The following MCC variants were observed in gnomAD, a reference collection of about 807,000 sequenced individuals.
The protein encoded by MCC is colorectal mutant cancer protein.
In MCC, 90 loss-of-function variants were observed where a neutral mutation model predicts 116.2. The observed-to-expected ratio is 0.77, with a 90% CI of 0.65 to 0.92. The LOEUF (loss-of-function observed/expected upper bound fraction) is 0.92. Among genes scored for constraint, MCC ranks in the 40% least tolerant of loss-of-function variants. The probability of loss-of-function intolerance (pLI) is 0.00; values close to 1 mark genes in which losing one functional copy is unlikely to be tolerated. For synonymous variants in MCC, 578 were observed against 510.5 expected, an observed-to-expected ratio of 1.13 and a Z score of -1.78; for missense variants, 1,516 against 1,312.2, an observed-to-expected ratio of 1.16 and a Z score of -2.40.
At position 113,027,161 on chromosome 5, in the gene MCC, G is replaced by A. The variant is rs1750604241; in HGVS notation, c.*141C>T. On this transcript the variant is annotated 3_prime_UTR_variant, in exon 19 of 19. Transcript: ENST00000408903. ...GCCAGTCGCCCCAAGGGTTGAGTTG[G>A]GGCACTCCATTGTCCAAGTGCCGAC... 1.3e-6 allele frequency: 1 copy of A among 786,794 alleles called. No homozygotes were observed. The highest frequency in any genetic ancestry group is 2.7e-5 in the East Asian group (1 of 37,452). The allele number at this position is 786,794 out of a possible 1,614,324, so 48.7% of individuals were successfully genotyped here.
chr5:113,176,414 AAGACAAC>A, intron 3 of MCC, among the ~76,000 whole-genome samples: 1 of 152,246 alleles, frequency 6.6e-6, no homozygotes, highest in Non-Finnish European at 1.5e-5. Flanking sequence ...CAGACATCTG[AAGACAAC>A]TGTCAACAGA....
chr5:113,443,140 G>A (rs1328119736), intron 1 of MCC, among the ~76,000 whole-genome samples: 3 of 150,888 alleles, frequency 2.0e-5, no homozygotes, highest in African/African-American at 7.4e-5. Context: ...AGCATAGAAT[G>A]TTTTTCCATT....
At chr5:113,053,633 T>C in intron 15 of MCC, 92 bp downstream of exon 15, 1 of 866,838 alleles carries the variant, frequency 1.2e-6, no homozygotes, top group Non-Finnish European at 1.8e-6. Context: ...CAGGAGGGGT[T>C]GATTCCTCCT....
chr5:113,212,992 C>T (rs1412256269), intron 3 of MCC, among the ~76,000 whole-genome samples: 1 of 152,166 alleles, frequency 6.6e-6, no homozygotes, highest in Non-Finnish European at 1.5e-5. Context: ...CTGGTTCCAG[C>T]GTTCCTTCTT....
intron 13 of MCC, 107 bp downstream of exon 13, chr5:113,067,973 A>G: frequency 2.1e-6 from 2 of 965,620 alleles, no homozygotes; most frequent in Middle Eastern, 2.1e-4. Context: ...CTTGACAACC[A>G]AATTTTGTGT....
At chr5:113,084,058 CTCTGCCGGGTACTT>C (rs748546316) in intron 10 of MCC, 29 bp downstream of exon 10, 1 of 1,475,698 alleles carries the variant, frequency 6.8e-7, no homozygotes, top group Non-Finnish European at 9.5e-7. Flanking sequence ...GTCTGTGTAG[CTCTGCCGGGTACTT>C]TCTTGCCTTG....
chr5:113,345,551 G>C (rs925400740), intron 2 of MCC, among the ~76,000 whole-genome samples: 3 of 152,258 alleles, frequency 2.0e-5, no homozygotes, highest in African/African-American at 7.2e-5. Flanking sequence ...CCAGTTCTAT[G>C]TGTCTCAGCA....
At chr5:113,486,839 C>CCA (rs1772545807) in intron 1 of MCC, among the ~76,000 whole-genome samples, 9 of 70,626 alleles carry the variant, frequency 1.3e-4, no homozygotes, top group African/African-American at 4.7e-5. Context: ...GAGATTCTGT[C>CCA]TAAAAAAAAA....
intron 2 of MCC, among the ~76,000 whole-genome samples, chr5:113,353,698 G>A (rs1355297900): frequency 6.6e-6 from 1 of 152,150 alleles, no homozygotes; most frequent in Admixed American, 6.5e-5. Flanking sequence ...ACATGGTTAG[G>A]CTCCCTATAC....
rs538213009 is a variant in MCC at position 113,358,201 on chromosome 5, G to A, written c.416-17471C>T. ...CCAAAGTTACATTTCTCTGAGTATG[G>A]AATATTCCATTAGTAAGTCAGTCTT... On this transcript the variant is annotated intron_variant, in intron 2 of 18. Coordinates refer to ENST00000408903, the MANE Select transcript of MCC (RefSeq NM_001085377.2). 2.0e-5 allele frequency among the ~76,000 whole-genome samples: 3 copies of A among 152,256 alleles called. No individual in the cohort carries two copies. In the South Asian group the frequency reaches 6.2e-4, roughly 32 times the overall value.
chr5:113,093,304 G>A (rs923019678), intron 8 of MCC, among the ~76,000 whole-genome samples: 7 of 152,138 alleles, frequency 4.6e-5, no homozygotes, highest in African/African-American at 1.2e-4. Flanking sequence ...GCATGGTGGT[G>A]CGCACCTGTA....
intron 1 of MCC, among the ~76,000 whole-genome samples, chr5:113,422,439 G>A (rs1445732425): frequency 3.3e-5 from 5 of 152,074 alleles, no homozygotes; most frequent in African/African-American, 4.8e-5. Flanking sequence ...AGTTATTTTT[G>A]TCTTTTTAAT....
chr5:113,457,081 G>A (rs972408915), intron 1 of MCC, among the ~76,000 whole-genome samples: 4 of 152,202 alleles, frequency 2.6e-5, no homozygotes, highest in South Asian at 2.1e-4. Flanking sequence ...CTGCACTGTG[G>A]GAGCCCCTTT....
chr5:113,050,678 T>C (rs1025047973), intron 15 of MCC, among the ~76,000 whole-genome samples: 1 of 152,242 alleles, frequency 6.6e-6, no homozygotes, highest in Non-Finnish European at 1.5e-5. Context: ...CACTGCATAC[T>C]GAGCTAATGT....
intron 8 of MCC, among the ~76,000 whole-genome samples, chr5:113,093,740 G>A (rs890288373): frequency 6.6e-6 from 1 of 152,072 alleles, no homozygotes; most frequent in East Asian, 1.9e-4. Context: ...GTCAGCTGAT[G>A]AAGTCATCTG....
intron 2 of MCC, among the ~76,000 whole-genome samples, chr5:113,384,563 G>T (rs112433541): frequency 0.019 from 2,936 of 152,262 alleles, 44 homozygotes; most frequent in Non-Finnish European, 0.031. Flanking sequence ...ACGCCAGCCT[G>T]GGCAACAGAG....
chr5:113,235,526 A>G (rs1764096030), intron 3 of MCC, among the ~76,000 whole-genome samples: 2 of 152,228 alleles, frequency 1.3e-5, no homozygotes, highest in Admixed American at 1.3e-4. Flanking sequence ...ATCCAACTCT[A>G]TCATGCATAC....
At chr5:113,317,787 T>C (rs1470247591) in intron 3 of MCC, among the ~76,000 whole-genome samples, 2 of 152,176 alleles carry the variant, frequency 1.3e-5, no homozygotes, top group African/African-American at 4.8e-5. Context: ...CTAATGAAGA[T>C]GCAAATGGAA....
chr5:113,174,463 A>C (rs1026915447), intron 3 of MCC, among the ~76,000 whole-genome samples: 3 of 152,202 alleles, frequency 2.0e-5, no homozygotes, highest in Non-Finnish European at 2.9e-5. Flanking sequence ...AATAACAAAA[A>C]CTAAACGAAC....
Sources: allele counts gnomAD v4.1 joint callset (sites outside exome capture counted in the v4.1 genomes callset), GRCh38; gene constraint gnomAD v4.1.1; transcripts MANE v1.5; gene names NCBI Gene and HGNC (gene_info 2026-07-23, HGNC 2026-07-21).